SND1: variants seen among roughly 807,000 people sequenced by gnomAD.
SND1 encodes staphylococcal nuclease and tudor domain containing 1, also known as staphylococcal nuclease domain-containing protein 1.
In SND1, 38 loss-of-function variants were observed where a neutral mutation model predicts 121.7. The ratio of observed to expected loss-of-function variants is 0.31; its 90% CI spans 0.24 to 0.41. The LOEUF is 0.41. Ranked by LOEUF, SND1 falls within the 10% of genes least tolerant of loss-of-function variation. The pLI, the probability that SND1 is intolerant of heterozygous loss-of-function variation, is 1.00. For missense variants in SND1, 868 were observed against 1,184.6 expected (o/e 0.73, Z 3.92); for synonymous variants, 401 against 447.4 (o/e 0.90, Z 1.31).
chr7:128,004,101 G>C (rs1802904195), intron 16 of SND1, among the ~76,000 whole-genome samples: 1 of 150,586 alleles, frequency 6.6e-6, no homozygotes, highest in African/African-American at 2.4e-5. Flanking sequence ...AAGATGGGTA[G>C]ACTGGCTAAC....
At position 127,663,578 on chromosome 7, in the gene SND1, G is replaced by A. The variant is rs368162965; in HGVS notation, c.78+11127G>A. ...ATTTTAGTAGAGATGGGGTTTCACC[G>A]TGTTGGCCAGGATGGTCTCCATCTC... On this transcript the variant is annotated intron_variant, in intron 1 of 23. Transcript: ENST00000354725. Among the ~76,000 whole-genome samples, 6 of 152,004 alleles carry A rather than the reference G, an allele frequency of 3.9e-5. No individual in the cohort carries two copies. The East Asian group carries it at 7.7e-4, about 20-fold the overall frequency.
intron 15 of SND1, among the ~76,000 whole-genome samples, chr7:127,945,954 C>T (rs1373965707): frequency 6.6e-6 from 1 of 152,186 alleles, no homozygotes; most frequent in Non-Finnish European, 1.5e-5. Context: ...ACGCAATGCC[C>T]TAATTGACAT....
intron 14 of SND1, among the ~76,000 whole-genome samples, chr7:127,908,711 C>G (rs1297665750): frequency 2.0e-5 from 3 of 152,102 alleles, no homozygotes; most frequent in Admixed American, 2.0e-4. Context: ...TTTCATTGAT[C>G]CTGTCTGAGC....
chr7:127,861,760 C>T (rs1045613472), intron 12 of SND1, among the ~76,000 whole-genome samples: 2 of 152,192 alleles, frequency 1.3e-5, no homozygotes, highest in Admixed American at 6.5e-5. Context: ...CGTGAGCCAC[C>T]GCTCCTGGCC....
At chr7:127,830,255 C>T (rs747774938) in intron 11 of SND1, among the ~76,000 whole-genome samples, 8 of 151,840 alleles carry the variant, frequency 5.3e-5, no homozygotes, top group Admixed American at 6.6e-5. Context: ...TGGTGGTGGG[C>T]GCCTGTAGTC....
intron 10 of SND1, among the ~76,000 whole-genome samples, chr7:127,784,524 T>G (rs1221561723): frequency 6.6e-6 from 1 of 152,262 alleles, no homozygotes; most frequent in East Asian, 1.9e-4. Context: ...CAACTAATTC[T>G]GAAACATGGA....
chr7:127,751,685 G>C (rs933492038), intron 10 of SND1, among the ~76,000 whole-genome samples: 1 of 152,234 alleles, frequency 6.6e-6, no homozygotes, highest in African/African-American at 2.4e-5. Flanking sequence ...TAGCAACCTC[G>C]CTGTTCCAGC....
At chr7:128,075,575 CTTGT>C (rs1793493361) in intron 17 of SND1, among the ~76,000 whole-genome samples, 1 of 152,238 alleles carries the variant, frequency 6.6e-6, no homozygotes, top group Admixed American at 6.5e-5. Flanking sequence ...CAGGGCATCT[CTTGT>C]CCCCTTGGGA....
In SND1 at chr7:127,878,574, G is replaced by A. The variant is rs77349615; in HGVS notation, c.1344-9328G>A. Among the ~76,000 whole-genome samples the A allele has an allele frequency of 1.7e-3, 264 of 152,184 alleles. 1 individual carries two copies. The highest frequency in any genetic ancestry group is 6.1e-3 in the African/African-American group (254 of 41,524). ...ACTCCACACTAGTTACCAAAGCCTG[G>A]CTAGGGATGTCGAAGCATTTGTATT... On this transcript the variant is annotated intron_variant, in intron 12 of 23. Coordinates refer to ENST00000354725, the MANE Select transcript of SND1 (RefSeq NM_014390.4).
intron 15 of SND1, among the ~76,000 whole-genome samples, chr7:127,979,536 T>C (rs1462910545): frequency 6.6e-6 from 1 of 152,066 alleles, no homozygotes; most frequent in Non-Finnish European, 1.5e-5. Flanking sequence ...TGACTCTGGA[T>C]GAATAAGAAC....
At chr7:128,063,497 C>T (rs1386447833) in intron 16 of SND1, among the ~76,000 whole-genome samples, 1 of 152,192 alleles carries the variant, frequency 6.6e-6, no homozygotes, top group Non-Finnish European at 1.5e-5. Flanking sequence ...TGAAATAGGC[C>T]TTCTCCAGTC....
At chr7:128,024,638 C>T (rs1177872926) in intron 16 of SND1, among the ~76,000 whole-genome samples, 2 of 152,212 alleles carry the variant, frequency 1.3e-5, no homozygotes, top group East Asian at 1.9e-4. Flanking sequence ...CAGCAAGTTG[C>T]TGGCCTCAAT....
intron 1 of SND1, among the ~76,000 whole-genome samples, chr7:127,677,210 T>C (rs1317951993): frequency 6.6e-6 from 1 of 152,258 alleles, no homozygotes; most frequent in Non-Finnish European, 1.5e-5. Flanking sequence ...TTATTTTGTT[T>C]AGGTTTCATA....
chr7:127,950,612 A>G (rs1205188557), intron 15 of SND1, among the ~76,000 whole-genome samples: 1 of 152,180 alleles, frequency 6.6e-6, no homozygotes, highest in Non-Finnish European at 1.5e-5. Context: ...CCTCCCATCC[A>G]TGAAATGAAA....
At chr7:127,846,764 C>T (rs1318970586) in intron 12 of SND1, among the ~76,000 whole-genome samples, 1 of 151,994 alleles carries the variant, frequency 6.6e-6, no homozygotes, top group African/African-American at 2.4e-5. Flanking sequence ...CAGGCGGCCC[C>T]CAGAATCACA....
At chr7:127,667,457 C>T (rs548950327) in intron 1 of SND1, among the ~76,000 whole-genome samples, 1 of 152,202 alleles carries the variant, frequency 6.6e-6, no homozygotes, top group African/African-American at 2.4e-5. Context: ...CTCAGGGGCA[C>T]AGTGATGGCA....
chr7:127,793,365 C>T lies in SND1; in HGVS notation c.1153-14119C>T, dbSNP rs556819983. ...TCTCAGGTCTCTCAGTGAAGTAAAG[C>T]TATCATAATTCCAGCTTTATTTGCT... is the stretch of plus-strand genomic sequence containing the variant. On this transcript the variant is annotated intron_variant, in intron 10 of 23. Coordinates refer to ENST00000354725, the MANE Select transcript of SND1 (RefSeq NM_014390.4). Among the ~76,000 whole-genome samples the T allele has an allele frequency of 4.6e-5, 7 of 152,266 alleles. No homozygotes were observed. In the South Asian group the frequency reaches 1.2e-3, roughly 27 times the overall value.
At chr7:127,732,381 A>G (rs1419958962) in intron 10 of SND1, among the ~76,000 whole-genome samples, 2 of 152,222 alleles carry the variant, frequency 1.3e-5, no homozygotes, top group East Asian at 1.9e-4. Flanking sequence ...ATTTCTGACC[A>G]ACACAATTTG....
At chr7:127,860,171 CA>C (rs1799349984) in intron 12 of SND1, among the ~76,000 whole-genome samples, 1 of 152,162 alleles carries the variant, frequency 6.6e-6, no homozygotes, top group African/African-American at 2.4e-5. Context: ...GTACTGTCAA[CA>C]TTATGCTTCC....
Sources: gnomAD v4.1 joint callset for allele counts (sites outside exome capture counted in the v4.1 genomes callset) on GRCh38, gnomAD v4.1.1 for gene constraint, MANE v1.5 for transcripts, NCBI Gene and HGNC (gene_info 2026-07-23, HGNC 2026-07-21) for gene names.